The following GOLGB1 variants were observed in gnomAD, a reference collection of about 807,000 sequenced individuals.
The protein encoded by GOLGB1 is golgin subfamily B member 1.
In GOLGB1, 174 loss-of-function variants were observed where a neutral mutation model predicts 336.9. That is an observed-to-expected ratio of 0.52 (90% CI 0.46 to 0.59). GOLGB1 has a LOEUF of 0.59. Among genes scored for constraint, GOLGB1 ranks in the 20% least tolerant of loss-of-function variants. The pLI, the probability that GOLGB1 is intolerant of heterozygous loss-of-function variation, is 0.00. For synonymous variants in GOLGB1, 1,208 were observed against 1,289.2 expected, an observed-to-expected ratio of 0.94 and a Z score of 1.35; for missense variants, 3,331 against 3,645.3, an observed-to-expected ratio of 0.91 and a Z score of 2.22.
In GOLGB1 at chr3:121,691,001, G is replaced by A. The variant is rs775451729; in HGVS notation, c.8363C>T (p.Ala2788Val). 2 of 1,613,814 alleles carry A rather than the reference G, an allele frequency of 1.2e-6. No individual in the cohort carries two copies. Among genetic ancestry groups the A allele is most frequent in the South Asian group, 2.2e-5 (2 of 91,050 alleles). The change falls in exon 14 of 22, where the codon GCT becomes GTT. Residue 2788 changes from alanine (A) to valine (V), a missense_variant. Transcript: ENST00000614479. ...TGAAAAGGCGGTTTCAGAAAGAAGAGCATCTCTCTCTCTGTTTAAGAGTCC... is the reference window on the plus strand; with the variant it reads ...TGAAAAGGCGGTTTCAGAAAGAAGAACATCTCTCTCTCTGTTTAAGAGTCC... ...EQGLLNRERDALLSETAFSMN... is the reference protein window; with the variant it reads ...EQGLLNRERDVLLSETAFSMN...
Position 121,702,514 on chromosome 3 carries a change from A to G in GOLGB1, c.1486T>C (p.Ser496Pro). The G allele has an allele frequency of 6.5e-7, 1 of 1,537,554 alleles. No individual in the cohort carries two copies. The change falls in exon 11 of 22, where the codon TCT becomes CCT. Residue 496 changes from serine to proline, a missense_variant. Coordinates refer to ENST00000614479, the MANE Select transcript of GOLGB1 (RefSeq NM_001366282.2). ...GCTTTCAGCTCCTCCAGCTCTATAG[A>G]ACTAAGGAGCAAGGCTCCCTTTTCA... ...ENEKGALLLS[S>P]IELEELKAEN...
chr3:121,687,537 T>C (rs1340683168), intron 14 of GOLGB1, among the ~76,000 whole-genome samples: 1 of 152,148 alleles, frequency 6.6e-6, no homozygotes, highest in African/African-American at 2.4e-5. Context: ...ACACTGTGAA[T>C]AAAGGAGTGA....
chr3:121,685,578 A>T (rs1450231758), intron 14 of GOLGB1, among the ~76,000 whole-genome samples: 10 of 144,814 alleles, frequency 6.9e-5, no homozygotes, highest in Non-Finnish European at 1.4e-4. Flanking sequence ...AATAAATAAA[A>T]AGTGCATACA....
At position 121,742,846 on chromosome 3, in the gene GOLGB1, C is replaced by G. The variant is rs146876568; in HGVS notation, c.-3+6786G>C. 4.6e-3 allele frequency among the ~76,000 whole-genome samples: 706 copies of G among 152,262 alleles called. 5 individuals carry two copies. Among genetic ancestry groups the G allele is most frequent in the African/African-American group, 0.016 (681 of 41,540 alleles). On this transcript the variant is annotated intron_variant, in intron 1 of 21. Coordinates refer to ENST00000614479, the MANE Select transcript of GOLGB1 (RefSeq NM_001366282.2). ...TTCTCAAAAGAAGACATTTATGAAG[C>G]CAACAGACACATGGAAAAATGCTCA...
rs765645297 is a variant in GOLGB1 at position 121,692,305 on chromosome 3, A to G, written c.7059T>C (p.Asp2353=). The part of the protein sequence containing the change: ...LEGIIRQQEA[D]IQNSKFSYEQ... ...CATAACTGAACTTAGAATTTTGAATATCAGCCTCTTGCTGCCTTATGATCC... is the reference window on the plus strand; with the variant it reads ...CATAACTGAACTTAGAATTTTGAATGTCAGCCTCTTGCTGCCTTATGATCC... The change falls in exon 14 of 22, where the codon GAT becomes GAC. Residue 2353 remains aspartate, a synonymous_variant. Transcript: ENST00000614479. 2 of 1,611,614 alleles carry G rather than the reference A, an allele frequency of 1.2e-6. No individual in the cohort carries two copies. Among genetic ancestry groups the G allele is most frequent in the East Asian group, 2.2e-5 (1 of 44,876 alleles).
intron 18 of GOLGB1, chr3:121,668,456 C>CCT: frequency 1.6e-5 from 3 of 190,758 alleles, no homozygotes; most frequent in Non-Finnish European, 3.3e-5. Context: ...GGGTGGATCA[C>CCT]AAGATCAGGA....
At position 121,741,704 on chromosome 3, in the gene GOLGB1, G is replaced by A. The variant is rs79974225; in HGVS notation, c.-3+7928C>T. ...TTGAATCTGAATAGGAACACTCAGT[G>A]TGAAATGACAATTCAGTATTTTATA... On this transcript the variant is annotated intron_variant, in intron 1 of 21. Coordinates refer to ENST00000614479, the MANE Select transcript of GOLGB1 (RefSeq NM_001366282.2). Among the ~76,000 whole-genome samples the A allele has an allele frequency of 3.9e-3, 591 of 152,298 alleles. 3 individuals are homozygous for A. Among genetic ancestry groups the A allele is most frequent in the East Asian group, 0.03 (153 of 5,186 alleles).
At position 121,697,212 on chromosome 3, in the gene GOLGB1, T is replaced by C. The variant is rs1476080969; in HGVS notation, c.3311A>G (p.Gln1104Arg). The stretch of plus-strand genomic sequence containing the variant: ...TTGGTTTGTTTTATCTTGCAAGGTC[T>C]GATTCATCTGTTTGACCAGAGCCTG... ...QFQALVKQMN[Q>R]TLQDKTNQID... The change falls in exon 13 of 22, where the codon CAG becomes CGG. Residue 1104 changes from glutamine to arginine, a missense_variant. Coordinates refer to ENST00000614479, the MANE Select transcript of GOLGB1 (RefSeq NM_001366282.2). 1.2e-6 allele frequency: 2 copies of C among 1,614,048 alleles called. No homozygotes were observed. Among genetic ancestry groups the C allele is most frequent in the Non-Finnish European group, 1.7e-6 (2 of 1,180,006 alleles).
chr3:121,718,537 A>G (rs1418763169), intron 7 of GOLGB1, 36 bp from the exon 8 acceptor site: 1 of 1,283,602 alleles, frequency 7.8e-7, no homozygotes, highest in Non-Finnish European at 1.1e-6. Flanking sequence ...ATATGCTAAC[A>G]AATGAGTGCT....
At chr3:121,713,629 T>A (rs972948609) in intron 10 of GOLGB1, among the ~76,000 whole-genome samples, 1 of 152,052 alleles carries the variant, frequency 6.6e-6, no homozygotes, top group Non-Finnish European at 1.5e-5. Flanking sequence ...TGAGGATGAC[T>A]GTAAAGGGGT....
At chr3:121,684,119 C>T (rs1175340966) in intron 14 of GOLGB1, among the ~76,000 whole-genome samples, 15 of 94,598 alleles carry the variant, frequency 1.6e-4, no homozygotes, top group African/African-American at 2.3e-4. Flanking sequence ...CAGAGCGAGA[C>T]GCCGTCTCAA....
Position 121,702,608 on chromosome 3 carries a change from A to G in GOLGB1, c.1405-13T>C. On this transcript the variant is annotated splice_polypyrimidine_tract_variant and intron_variant, in intron 10 of 21. Transcript: ENST00000614479. ...CCTCAGTGACTGCCTAAATTGTAGA[A>G]AGACAACAAATTAATGATTCTCCAG... The G allele has an allele frequency of 7.9e-7, 1 of 1,269,420 alleles. No homozygotes were observed. The highest frequency in any genetic ancestry group is 1.1e-6 in the Non-Finnish European group (1 of 929,766). The allele number at this position is 1,269,420 out of a possible 1,614,324, so 78.6% of individuals were successfully genotyped here. A position where few individuals can be genotyped will look rare whatever the true frequency, so the allele number is the denominator to read the frequency against.
chr3:121,683,081 T>C (rs73855413), intron 14 of GOLGB1, among the ~76,000 whole-genome samples: 22,801 of 124,336 alleles, frequency 0.18, 973 homozygotes, highest in East Asian at 0.38. Flanking sequence ...TTTTTTTTTT[T>C]TGGAGAGACG....
In GOLGB1 at chr3:121,698,018, A is replaced by G. The variant is rs1181444056; in HGVS notation, c.2505T>C (p.Ser835=). ...DDVQLQFSEQ[S]TLIRSLQSQL... ...GGCTTTGCAGGCTTCTTATCAGGGT[A>G]CTCTGCTCAGAAAACTGAAGCTGCA... is the stretch of plus-strand genomic sequence containing the variant. The change falls in exon 13 of 22, where the codon AGT becomes AGC. Residue 835 remains serine, a synonymous_variant. Coordinates refer to ENST00000614479, the MANE Select transcript of GOLGB1 (RefSeq NM_001366282.2). 9.3e-6 allele frequency: 15 copies of G among 1,613,942 alleles called. No individual in the cohort carries two copies. Among genetic ancestry groups the G allele is most frequent in the East Asian group, 2.2e-5 (1 of 44,878 alleles).
At chr3:121,718,576 GT>G in intron 7 of GOLGB1, 75 bp from the exon 8 acceptor site, 1 of 1,060,516 alleles carries the variant, frequency 9.4e-7, no homozygotes, top group East Asian at 2.4e-5. Flanking sequence ...AAAATGTCAT[GT>G]AGATTTGTAT....
chr3:121,690,969 A>G lies in GOLGB1; in HGVS notation c.8395T>C (p.Ser2799Pro). 6.2e-7 allele frequency: 1 copy of G among 1,614,112 alleles called. No homozygotes were observed. The highest frequency in any genetic ancestry group is 1.1e-5 in the South Asian group (1 of 91,078). The part of the protein sequence containing the change: ...LLSETAFSMN[S>P]TEENSLSHLE... ...TGAGACAAGCTATTCTCCTCAGTGGAGTTCATTGAAAAGGCGGTTTCAGAA... is the reference window on the plus strand; with the variant it reads ...TGAGACAAGCTATTCTCCTCAGTGGGGTTCATTGAAAAGGCGGTTTCAGAA... The change falls in exon 14 of 22, where the codon TCC (serine) becomes CCC (proline). Residue 2799 changes from serine (S) to proline (P), a missense_variant. By Grantham distance (74) the Ser-to-Pro change is moderately conservative. Transcript: ENST00000614479.
intron 9 of GOLGB1, among the ~76,000 whole-genome samples, chr3:121,715,453 G>A (rs1161522791): frequency 1.3e-5 from 2 of 150,114 alleles, no homozygotes; most frequent in Admixed American, 6.7e-5. Context: ...CTGACCTCAG[G>A]TAATCCCCCC....
chr3:121,681,586 G>T, intron 15 of GOLGB1, 101 bp downstream of exon 15: 1 of 788,264 alleles, frequency 1.3e-6, no homozygotes, highest in Non-Finnish European at 2.0e-6. Context: ...CTGGGTGAAG[G>T]GTACATAGAA....
At chr3:121,734,072 A>T (rs1371079855) in intron 1 of GOLGB1, among the ~76,000 whole-genome samples, 1 of 152,184 alleles carries the variant, frequency 6.6e-6, no homozygotes, top group Non-Finnish European at 1.5e-5. Flanking sequence ...TGCTCTGTGA[A>T]GACAAGGTTA....
Sources: gnomAD v4.1 joint callset for allele counts (sites outside exome capture counted in the v4.1 genomes callset) on GRCh38, gnomAD v4.1.1 for gene constraint, MANE v1.5 for transcripts, NCBI Gene and HGNC (gene_info 2026-07-23, HGNC 2026-07-21) for gene names.